The following FANK1 variants were observed in gnomAD, a reference collection of about 807,000 sequenced individuals.
FANK1 encodes the protein fibronectin type III and ankyrin repeat domains 1.
In FANK1, 44 loss-of-function variants were observed where a neutral mutation model predicts 45.3. That is an observed-to-expected ratio of 0.97 (90% CI 0.76 to 1.25). The LOEUF (loss-of-function observed/expected upper bound fraction) is 1.25, where lower values mean the gene tolerates loss of function less well. Among genes scored for constraint, FANK1 ranks in the 50% most tolerant of loss-of-function variants. The probability of loss-of-function intolerance (pLI) is 0.00; values close to 1 mark genes in which losing one functional copy is unlikely to be tolerated. For synonymous variants in FANK1, 149 were observed against 152.5 expected (o/e 0.98, Z 0.17); for missense variants, 391 against 424.4 (o/e 0.92, Z 0.69).
chr10:125,958,951 G>T (rs1949747371), intron 1 of FANK1, among the ~76,000 whole-genome samples: 1 of 152,104 alleles, frequency 6.6e-6, no homozygotes, highest in Non-Finnish European at 1.5e-5. Context: ...ACACAAAGTT[G>T]TCTTCTGAAA....
intron 1 of FANK1, among the ~76,000 whole-genome samples, chr10:125,906,197 A>G (rs937883114): frequency 1.3e-5 from 2 of 152,092 alleles, no homozygotes; most frequent in Non-Finnish European, 2.9e-5. Flanking sequence ...CCTCATTTGT[A>G]AAGATCTCCC....
At chr10:126,007,733 C>CT (rs1272878462) in intron 7 of FANK1, among the ~76,000 whole-genome samples, 1 of 152,190 alleles carries the variant, frequency 6.6e-6, no homozygotes, top group African/African-American at 2.4e-5. Context: ...ACGTATCTGT[C>CT]TTTACTTCAG....
chr10:125,989,687 A>G (rs1238551282), intron 3 of FANK1, among the ~76,000 whole-genome samples: 4 of 152,194 alleles, frequency 2.6e-5, no homozygotes, highest in Non-Finnish European at 5.9e-5. Context: ...GGATGCAGGT[A>G]AAAAAAGAGG....
chr10:125,904,375 TC>T (rs1319442819), intron 1 of FANK1, among the ~76,000 whole-genome samples: 3 of 152,238 alleles, frequency 2.0e-5, no homozygotes, highest in Non-Finnish European at 4.4e-5. Context: ...AATCCCAAGT[TC>T]CTGATGGCAT....
At chr10:125,976,801 T>G (rs1463769907) in intron 1 of FANK1, among the ~76,000 whole-genome samples, 1 of 152,120 alleles carries the variant, frequency 6.6e-6, no homozygotes, top group African/African-American at 2.4e-5. Context: ...TTTTGTATTT[T>G]TAGTAGAGAC....
rs769405893 is a variant in FANK1 at position 125,980,347 on chromosome 10, A to T, written c.191+9A>T. Reference sequence around the variant, plus strand: ...TATGGTATCATTTATACGTAGGTGCAGTGTTGAATTGCTTGCCACTTTGCC... The same window carrying T: ...TATGGTATCATTTATACGTAGGTGCTGTGTTGAATTGCTTGCCACTTTGCC... On this transcript the variant is annotated intron_variant, in intron 2 of 10. Coordinates refer to ENST00000368693, the MANE Select transcript of FANK1 (RefSeq NM_145235.5). The T allele has an allele frequency of 2.5e-6, 4 of 1,606,052 alleles. No individual in the cohort carries two copies. The African/African-American group carries it at 4.0e-5, about 16-fold the overall frequency.
At chr10:125,998,350 A>G (rs546200883) in intron 6 of FANK1, among the ~76,000 whole-genome samples, 4 of 152,338 alleles carry the variant, frequency 2.6e-5, no homozygotes, top group African/African-American at 9.6e-5. Flanking sequence ...TCTGAACACA[A>G]TACAGCAATA....
chr10:125,985,669 G>A (rs1007501736), intron 2 of FANK1, among the ~76,000 whole-genome samples: 7 of 152,122 alleles, frequency 4.6e-5, no homozygotes, highest in Admixed American at 6.5e-5. Flanking sequence ...ACCAGCCCCA[G>A]ACTTAGTGGT....
intron 1 of FANK1, among the ~76,000 whole-genome samples, chr10:125,919,959 A>T (rs1311490850): frequency 1.3e-5 from 2 of 152,238 alleles, no homozygotes; most frequent in African/African-American, 4.8e-5. Flanking sequence ...GTGACTTTTC[A>T]TGATGAGTAG....
At chr10:125,995,556 A>T in intron 4 of FANK1, 58 bp downstream of exon 4, 1 of 1,470,974 alleles carries the variant, frequency 6.8e-7, no homozygotes, top group Non-Finnish European at 9.5e-7. Context: ...GCATAGAAAT[A>T]CATGCAGTAG....
At chr10:125,938,676 G>A (rs1319737216) in intron 1 of FANK1, among the ~76,000 whole-genome samples, 1 of 152,132 alleles carries the variant, frequency 6.6e-6, no homozygotes, top group Non-Finnish European at 1.5e-5. Flanking sequence ...GGACATGGTG[G>A]CAGGTGCCTG....
intron 1 of FANK1, among the ~76,000 whole-genome samples, chr10:125,944,395 G>GGT (rs1416581472): frequency 6.6e-6 from 1 of 152,130 alleles, no homozygotes; most frequent in East Asian, 1.9e-4. Context: ...AAATCAATTG[G>GGT]GTGATTCCTA....
rs557262525 is a variant in FANK1, at chr10:125,970,999, T to C, written c.14-9162T>C. ...GACTATAGTCACAGATATACTTACC[T>C]CTCCTTGCAACTTTAGCTGTATTAT... On this transcript the variant is annotated intron_variant, in intron 1 of 10. Coordinates refer to ENST00000368693, the MANE Select transcript of FANK1 (RefSeq NM_145235.5). 2.0e-5 allele frequency among the ~76,000 whole-genome samples: 3 copies of C among 152,270 alleles called. No individual in the cohort carries two copies. The South Asian group carries it at 6.2e-4, about 32-fold the overall frequency.
intron 1 of FANK1, among the ~76,000 whole-genome samples, chr10:125,911,580 G>A (rs1209545923): frequency 6.6e-6 from 1 of 152,242 alleles, no homozygotes; most frequent in Non-Finnish European, 1.5e-5. Context: ...ATGTGGACTA[G>A]GTAGTTAGTT....
At chr10:125,921,057 G>A (rs3858301) in intron 1 of FANK1, among the ~76,000 whole-genome samples, 4 of 150,790 alleles carry the variant, frequency 2.7e-5, no homozygotes, top group Non-Finnish European at 5.9e-5. Flanking sequence ...CACAAAACTG[G>A]TTGGAATTTC....
intron 1 of FANK1, among the ~76,000 whole-genome samples, chr10:125,946,354 CT>C (rs1337132385): frequency 6.8e-6 from 1 of 147,756 alleles, no homozygotes; most frequent in East Asian, 2.0e-4. Flanking sequence ...AAGTTGAAAA[CT>C]TTGAAAAAAA....
intron 1 of FANK1, among the ~76,000 whole-genome samples, chr10:125,915,851 G>A (rs1176822855): frequency 2.0e-5 from 3 of 152,222 alleles, no homozygotes; most frequent in African/African-American, 7.2e-5. Context: ...AATGTGTAGT[G>A]TTTCCACTGA....
chr10:125,999,175 T>C (rs1311729808), intron 6 of FANK1, among the ~76,000 whole-genome samples: 2 of 149,664 alleles, frequency 1.3e-5, no homozygotes, highest in Non-Finnish European at 3.0e-5. Context: ...TGGGTGTAAC[T>C]TGGCATGTAT....
chr10:125,998,551 A>C (rs192105627), intron 6 of FANK1, among the ~76,000 whole-genome samples: 1 of 152,300 alleles, frequency 6.6e-6, no homozygotes, highest in Non-Finnish European at 1.5e-5. Context: ...TGATTAAAAA[A>C]TAGAAAGGTT....
Sources: gnomAD v4.1 joint callset for allele counts (sites outside exome capture counted in the v4.1 genomes callset) on GRCh38, gnomAD v4.1.1 for gene constraint, MANE v1.5 for transcripts, NCBI Gene and HGNC (gene_info 2026-07-23, HGNC 2026-07-21) for gene names.